ARHGEF28: variants seen among roughly 807,000 people sequenced by gnomAD.
The protein encoded by ARHGEF28 is 190 kDa guanine nucleotide exchange factor.
In ARHGEF28, 152 loss-of-function variants were observed where a neutral mutation model predicts 206.6. The observed-to-expected ratio is 0.74, with a 90% CI of 0.64 to 0.84. ARHGEF28 has a LOEUF of 0.84. Ranked by LOEUF, ARHGEF28 falls within the 40% of genes least tolerant of loss-of-function variation. The probability of loss-of-function intolerance (pLI) is 0.00; values close to 1 mark genes in which losing one functional copy is unlikely to be tolerated. For synonymous variants in ARHGEF28, 763 were observed against 776.4 expected, an observed-to-expected ratio of 0.98 and a Z score of 0.29; for missense variants, 2,028 against 2,073.2, an observed-to-expected ratio of 0.98 and a Z score of 0.42.
intron 1 of ARHGEF28, among the ~76,000 whole-genome samples, chr5:73,672,466 A>G (rs1039966649): frequency 6.6e-6 from 1 of 152,180 alleles, no homozygotes; most frequent in African/African-American, 2.4e-5. Context: ...GATGTAGATC[A>G]TATTATCCCA....
intron 17 of ARHGEF28, among the ~76,000 whole-genome samples, chr5:73,865,545 A>AG (rs1381326715): frequency 1.3e-5 from 2 of 152,174 alleles, no homozygotes; most frequent in Non-Finnish European, 2.9e-5. Context: ...CAGATCACAG[A>AG]GTTGAGGGCT....
chr5:73,742,617 G>A (rs1435013830), intron 2 of ARHGEF28, among the ~76,000 whole-genome samples: 1 of 151,256 alleles, frequency 6.6e-6, no homozygotes. Flanking sequence ...GAGGTCAGGA[G>A]ATCGAGACCA....
At chr5:73,845,138 A>C (rs1204812197) in intron 11 of ARHGEF28, among the ~76,000 whole-genome samples, 16 of 148,800 alleles carry the variant, frequency 1.1e-4, no homozygotes, top group East Asian at 4.0e-4. Flanking sequence ...CTGCCTTAGC[A>C]TCCCAAGTAG....
At chr5:73,844,308 T>C (rs1758165159) in intron 11 of ARHGEF28, among the ~76,000 whole-genome samples, 1 of 152,162 alleles carries the variant, frequency 6.6e-6, no homozygotes, top group South Asian at 2.1e-4. Flanking sequence ...AAGAACTATT[T>C]TCCACTAGTA....
intron 9 of ARHGEF28, among the ~76,000 whole-genome samples, chr5:73,795,795 A>G (rs1754769560): frequency 6.6e-6 from 1 of 151,978 alleles, no homozygotes; most frequent in Admixed American, 6.6e-5. Context: ...TAGAATCTCC[A>G]AGCTTACCAA....
intron 16 of ARHGEF28, among the ~76,000 whole-genome samples, chr5:73,862,584 T>C (rs541304243): frequency 3.9e-4 from 59 of 152,288 alleles, no homozygotes; most frequent in African/African-American, 1.4e-3. Context: ...GGCAAGATAC[T>C]CTCTTTTAAT....
chr5:73,771,418 C>T (rs555201797), intron 4 of ARHGEF28, among the ~76,000 whole-genome samples: 33 of 152,000 alleles, frequency 2.2e-4, no homozygotes, highest in South Asian at 1.9e-3. Context: ...GGTGATGGCG[C>T]GCACCTGTAA....
At chr5:73,790,457 G>A (rs1339332494) in intron 7 of ARHGEF28, among the ~76,000 whole-genome samples, 1 of 152,146 alleles carries the variant, frequency 6.6e-6, no homozygotes, top group Non-Finnish European at 1.5e-5. Flanking sequence ...AGCACATTTT[G>A]GAGTTGCTTG....
chr5:73,915,993 A>G (rs376629199), intron 35 of ARHGEF28, among the ~76,000 whole-genome samples: 5 of 152,364 alleles, frequency 3.3e-5, no homozygotes, highest in African/African-American at 1.2e-4. Flanking sequence ...TTTACTACAT[A>G]TTAGAATTTG....
intron 2 of ARHGEF28, among the ~76,000 whole-genome samples, chr5:73,705,791 G>A (rs1024720395): frequency 1.3e-5 from 2 of 152,122 alleles, no homozygotes; most frequent in African/African-American, 4.8e-5. Flanking sequence ...GTGTTTGAAG[G>A]ATATGTTTTC....
chr5:73,795,633 C>A (rs1754756594), intron 9 of ARHGEF28: 1 of 412,000 alleles, frequency 2.4e-6, no homozygotes, highest in Non-Finnish European at 4.3e-6. Context: ...CAGTTTTACT[C>A]TGAGCCAGAA....
chr5:73,704,227 C>T (rs1006627576), intron 2 of ARHGEF28, among the ~76,000 whole-genome samples: 8 of 151,962 alleles, frequency 5.3e-5, no homozygotes, highest in Admixed American at 4.6e-4. Context: ...CTCACTTACC[C>T]AGGGTAGGTC....
At position 73,778,808 on chromosome 5, in the gene ARHGEF28, A is replaced by C. The variant is rs1009474672; in HGVS notation, c.841-1868A>C. On this transcript the variant is annotated intron_variant, in intron 6 of 35. Coordinates refer to ENST00000513042, the MANE Select transcript of ARHGEF28 (RefSeq NM_001177693.2). ...GAAGCTTTACAACTTTGGATGATAA[A>C]TATTATGAGATTACATATAGATTTT... Among the ~76,000 whole-genome samples, 6 of 152,334 alleles carry C rather than the reference A, an allele frequency of 3.9e-5. No homozygotes were observed. In the South Asian group the frequency reaches 1.0e-3, roughly 26 times the overall value.
chr5:73,818,459 TC>T (rs374921029), intron 9 of ARHGEF28, among the ~76,000 whole-genome samples: 2 of 152,324 alleles, frequency 1.3e-5, no homozygotes, highest in African/African-American at 4.8e-5. Flanking sequence ...AAGTGAGTAT[TC>T]AGTCTAAAAA....
intron 1 of ARHGEF28, among the ~76,000 whole-genome samples, chr5:73,643,788 C>T (rs551594205): frequency 7.1e-6 from 1 of 140,184 alleles, no homozygotes; most frequent in South Asian, 2.2e-4. Context: ...GCACTCCAGC[C>T]TGGGAAAAAG....
chr5:73,840,905 C>T, intron 11 of ARHGEF28, 145 bp downstream of exon 11: 3 of 922,134 alleles, frequency 3.3e-6, no homozygotes, highest in Non-Finnish European at 4.7e-6. Context: ...CCTATATTCA[C>T]TGATTTGAAA....
intron 18 of ARHGEF28, 21 bp downstream of exon 18, chr5:73,866,034 C>G: frequency 6.3e-7 from 1 of 1,574,818 alleles, no homozygotes; most frequent in Non-Finnish European, 8.6e-7. Flanking sequence ...TAGAAAACGA[C>G]AAGAACTTTT....
intron 9 of ARHGEF28, among the ~76,000 whole-genome samples, chr5:73,824,686 T>C (rs1009945370): frequency 1.4e-4 from 21 of 152,106 alleles, no homozygotes; most frequent in African/African-American, 4.8e-4. Flanking sequence ...CAGGGTGGTC[T>C]TGAACTCCTG....
intron 7 of ARHGEF28, among the ~76,000 whole-genome samples, chr5:73,789,452 T>C (rs1407108372): frequency 6.6e-6 from 1 of 152,094 alleles, no homozygotes; most frequent in African/African-American, 2.4e-5. Context: ...CGTGTGGGGT[T>C]TTCTCATTGG....
Sources: gnomAD v4.1 joint callset for allele counts (sites outside exome capture counted in the v4.1 genomes callset) on GRCh38, gnomAD v4.1.1 for gene constraint, MANE v1.5 for transcripts, NCBI Gene and HGNC (gene_info 2026-07-23, HGNC 2026-07-21) for gene names.